CCDC85A: variants seen among roughly 807,000 people sequenced by gnomAD.
CCDC85A encodes the protein coiled-coil domain containing 85A, also known as coiled-coil domain-containing protein 85A.
Under a neutral mutation model 50.2 loss-of-function variants are expected in CCDC85A, and 38 were observed. The observed-to-expected ratio is 0.76, with a 90% CI of 0.58 to 0.99. The LOEUF is 0.99. Ranked by LOEUF, CCDC85A falls within the 50% of genes least tolerant of loss-of-function variation. CCDC85A has a pLI of 0.00. For missense variants in CCDC85A, 820 were observed against 742.0 expected, an observed-to-expected ratio of 1.11 and a Z score of -1.22; for synonymous variants, 366 against 301.4, an observed-to-expected ratio of 1.21 and a Z score of -2.22.
Position 56,292,452 on chromosome 2 carries a change from T to G in CCDC85A, c.1241-50427T>G, listed in dbSNP as rs6714378. Among the ~76,000 whole-genome samples the G allele has an allele frequency of 8.6e-3, 1,305 of 152,284 alleles. 27 individuals are homozygous for G. The highest frequency in any genetic ancestry group is 0.03 in the African/African-American group (1,226 of 41,550). ...CTCCTATTTCCTTTTGGTCCAGACCTTTTAGTTTTGGTCTTCACAGGGACC... is the reference window on the plus strand; with the variant it reads ...CTCCTATTTCCTTTTGGTCCAGACCGTTTAGTTTTGGTCTTCACAGGGACC... On this transcript the variant is annotated intron_variant, in intron 2 of 5. Transcript: ENST00000407595.
chr2:56,223,105 C>T (rs1668397969), intron 2 of CCDC85A, among the ~76,000 whole-genome samples: 1 of 152,132 alleles, frequency 6.6e-6, no homozygotes, highest in African/African-American at 2.4e-5. Context: ...GAATTTCAGA[C>T]AAGCCTTGAG....
At chr2:56,263,910 G>T (rs1442558741) in intron 2 of CCDC85A, among the ~76,000 whole-genome samples, 3 of 152,182 alleles carry the variant, frequency 2.0e-5, no homozygotes, top group African/African-American at 7.2e-5. Flanking sequence ...GGTCAGGGGT[G>T]TCCAGTCTTT....
At chr2:56,187,061 C>T (rs530415147) in intron 1 of CCDC85A, among the ~76,000 whole-genome samples, 1 of 152,314 alleles carries the variant, frequency 6.6e-6, no homozygotes, top group South Asian at 2.1e-4. Flanking sequence ...TTGGAGAGGC[C>T]AGCCTTCTCC....
At chr2:56,284,417 G>A (rs552761989) in intron 2 of CCDC85A, among the ~76,000 whole-genome samples, 1 of 152,174 alleles carries the variant, frequency 6.6e-6, no homozygotes, top group African/African-American at 2.4e-5. Context: ...TTGTTGCCCA[G>A]GTTGGAGTGC....
intron 2 of CCDC85A, among the ~76,000 whole-genome samples, chr2:56,262,375 T>C (rs1173070963): frequency 6.6e-6 from 1 of 152,224 alleles, no homozygotes; most frequent in African/African-American, 2.4e-5. Context: ...AGACTCAGTT[T>C]TTCTGTAACT....
chr2:56,286,354 T>G (rs1671443614), intron 2 of CCDC85A, among the ~76,000 whole-genome samples: 1 of 152,160 alleles, frequency 6.6e-6, no homozygotes. Context: ...CAATTGCACG[T>G]TAGACCACTT....
intron 2 of CCDC85A, among the ~76,000 whole-genome samples, chr2:56,297,544 T>C (rs1345421585): frequency 6.6e-6 from 1 of 152,188 alleles, no homozygotes; most frequent in Non-Finnish European, 1.5e-5. Context: ...GTTAACTGAC[T>C]GAATGATGCT....
Position 56,231,230 on chromosome 2 carries a change from A to C in CCDC85A, c.1240+37790A>C, listed in dbSNP as rs539235716. 3.7e-4 allele frequency among the ~76,000 whole-genome samples: 56 copies of C among 152,330 alleles called. 3 individuals are homozygous for C. In the South Asian group the frequency reaches 0.012, roughly 32 times the overall value. On this transcript the variant is annotated intron_variant, in intron 2 of 5. Transcript: ENST00000407595. ...TCATATTAATTGCTTTCATGGTAAA[A>C]CAGCTTATGCTAATCATAGTGTCCC... is the stretch of plus-strand genomic sequence containing the variant.
intron 1 of CCDC85A, 126 bp downstream of exon 1, chr2:56,185,026 C>T (rs1005557401): frequency 3.4e-6 from 4 of 1,172,538 alleles, no homozygotes; most frequent in Non-Finnish European, 4.6e-6. Flanking sequence ...CCGGTCGGCA[C>T]CCCCTACCCC....
intron 3 of CCDC85A, among the ~76,000 whole-genome samples, chr2:56,354,624 G>T (rs569795743): frequency 2.5e-4 from 38 of 152,260 alleles, no homozygotes; most frequent in African/African-American, 8.7e-4. Context: ...AGAAGCTCTT[G>T]TACATGATCT....
At chr2:56,270,198 T>C (rs1363577065) in intron 2 of CCDC85A, among the ~76,000 whole-genome samples, 6 of 152,242 alleles carry the variant, frequency 3.9e-5, no homozygotes, top group African/African-American at 1.4e-4. Flanking sequence ...ATGATTTATC[T>C]TAGCAAATGG....
intron 2 of CCDC85A, among the ~76,000 whole-genome samples, chr2:56,202,284 G>A (rs1260916226): frequency 6.6e-6 from 1 of 152,212 alleles, no homozygotes; most frequent in Admixed American, 6.5e-5. Flanking sequence ...GGGACACACA[G>A]TTCACAGCTG....
At chr2:56,216,544 C>T (rs143412222) in intron 2 of CCDC85A, among the ~76,000 whole-genome samples, 173 of 151,594 alleles carry the variant, frequency 1.1e-3, no homozygotes, top group African/African-American at 3.9e-3. Flanking sequence ...TCTAAAATAC[C>T]GATTATCTAT....
chr2:56,341,378 G>T (rs887616254), intron 2 of CCDC85A, among the ~76,000 whole-genome samples: 8 of 152,116 alleles, frequency 5.3e-5, no homozygotes, highest in African/African-American at 1.9e-4. Flanking sequence ...ATCCCGTGAT[G>T]GTTGCCTGAC....
At chr2:56,377,887 CAAA>C (rs58497352) in intron 5 of CCDC85A, among the ~76,000 whole-genome samples, 2 of 95,502 alleles carry the variant, frequency 2.1e-5, no homozygotes. Flanking sequence ...AACTCCGTCT[CAAA>C]AAAAAAAAAA....
At position 56,216,744 on chromosome 2, in the gene CCDC85A, T is replaced by G. The variant is rs1401179646; in HGVS notation, c.1240+23304T>G. On this transcript the variant is annotated intron_variant, in intron 2 of 5. Coordinates refer to ENST00000407595, the MANE Select transcript of CCDC85A (RefSeq NM_001080433.2). The stretch of plus-strand genomic sequence containing the variant: ...TTGCCACATTATTTTTATCTTTTTT[T>G]TTTTTTGAGACTTATTTCTCCTTTT... 2.0e-5 allele frequency among the ~76,000 whole-genome samples: 3 copies of G among 151,716 alleles called. No individual in the cohort carries two copies. In the East Asian group the frequency reaches 5.8e-4, roughly 29 times the overall value.
At chr2:56,264,867 G>A (rs986456264) in intron 2 of CCDC85A, among the ~76,000 whole-genome samples, 2 of 152,074 alleles carry the variant, frequency 1.3e-5, no homozygotes, top group African/African-American at 4.8e-5. Flanking sequence ...CACGAAGTAG[G>A]CCCTTGCATG....
chr2:56,231,363 A>C (rs1191028693), intron 2 of CCDC85A, among the ~76,000 whole-genome samples: 2 of 152,214 alleles, frequency 1.3e-5, no homozygotes, highest in Non-Finnish European at 1.5e-5. Flanking sequence ...TCAGTCTAAC[A>C]GTGTCCCTTA....
intron 2 of CCDC85A, among the ~76,000 whole-genome samples, chr2:56,319,348 A>C (rs10183017): frequency 0.36 from 54,889 of 151,806 alleles, 11,689 homozygotes; most frequent in African/African-American, 0.59. Flanking sequence ...CTCTCACATC[A>C]ATGCTTGTAA....
Sources: allele counts gnomAD v4.1 joint callset (sites outside exome capture counted in the v4.1 genomes callset), GRCh38; gene constraint gnomAD v4.1.1; transcripts MANE v1.5; gene names NCBI Gene and HGNC (gene_info 2026-07-23, HGNC 2026-07-21).